The following RSPO2 variants were observed in gnomAD, a reference collection of about 807,000 sequenced individuals.
The protein encoded by RSPO2 is R-spondin-2.
A neutral mutation model predicts 30.9 loss-of-function variants in RSPO2; 14 were observed. The observed-to-expected ratio is 0.45, with a 90% confidence interval of 0.30 to 0.71. The LOEUF (loss-of-function observed/expected upper bound fraction) is 0.71, where lower values mean the gene tolerates loss of function less well. Ranked by LOEUF, RSPO2 falls within the 30% of genes least tolerant of loss-of-function variation. The pLI, the probability that RSPO2 is intolerant of heterozygous loss-of-function variation, is 0.08. For missense variants in RSPO2, 264 were observed against 301.9 expected (o/e 0.87, Z 0.93); for synonymous variants, 107 against 96.4 (o/e 1.11, Z -0.64).
At position 108,082,771 on chromosome 8, in the gene RSPO2, G is replaced by A; in HGVS notation, c.-133C>T. On this transcript the variant is annotated 5_prime_UTR_variant, in exon 2 of 6. Coordinates refer to ENST00000276659, the MANE Select transcript of RSPO2 (RefSeq NM_178565.5). ...CGCCACTCACCCCCGGGCCGCACCG[G>A]TCAGTTCAGCGCGATCAGCATCTCT... 1.5e-6 allele frequency: 1 copy of A among 672,852 alleles called. No homozygotes were observed. Among genetic ancestry groups the A allele is most frequent in the Non-Finnish European group, 2.6e-6 (1 of 389,260 alleles). The allele number at this position is 672,852 out of a possible 1,614,324, so 41.7% of individuals were successfully genotyped here.
chr8:108,060,552 G>A (rs926537031), intron 2 of RSPO2, among the ~76,000 whole-genome samples: 4 of 151,784 alleles, frequency 2.6e-5, no homozygotes, highest in South Asian at 2.1e-4. Context: ...CCAAATCTAC[G>A]TCCGATTGGT....
intron 2 of RSPO2, among the ~76,000 whole-genome samples, chr8:108,063,254 G>C (rs900059948): frequency 6.6e-6 from 1 of 151,810 alleles, no homozygotes; most frequent in Non-Finnish European, 1.5e-5. Context: ...CCCGTTTGAA[G>C]ATGACATGAT....
chr8:108,007,546 C>T (rs1009767858), intron 2 of RSPO2, among the ~76,000 whole-genome samples: 4 of 152,290 alleles, frequency 2.6e-5, no homozygotes, highest in Middle Eastern at 3.4e-3. Flanking sequence ...AGAGAGTACA[C>T]GTCTGCAGAA....
intron 2 of RSPO2, among the ~76,000 whole-genome samples, chr8:108,014,246 G>A (rs1042593133): frequency 9.2e-5 from 14 of 152,196 alleles, no homozygotes; most frequent in African/African-American, 3.4e-4. Flanking sequence ...CTGCTGGTGG[G>A]AGTGTAAATT....
chr8:108,027,794 G>A (rs1811272512), intron 2 of RSPO2, among the ~76,000 whole-genome samples: 1 of 152,052 alleles, frequency 6.6e-6, no homozygotes, highest in Non-Finnish European at 1.5e-5. Context: ...GTTCTCCACT[G>A]GTTTTATATT....
intron 5 of RSPO2, among the ~76,000 whole-genome samples, chr8:107,938,558 C>T (rs1439530673): frequency 6.6e-6 from 1 of 152,110 alleles, no homozygotes; most frequent in Admixed American, 6.6e-5. Flanking sequence ...TTGGGTGGCT[C>T]ACCTGGTGGT....
rs571741064 is a variant in RSPO2, at chr8:107,899,628, GAAAA to G, written c.*1443_*1446del. 2.1e-5 allele frequency: 3 copies of G among 145,866 alleles called. No homozygotes were observed. Among genetic ancestry groups the G allele is most frequent in the Admixed American group, 1.4e-4 (2 of 14,614 alleles). 9.0% of individuals were successfully genotyped at this position (145,866 alleles called of 1,614,324 possible). ...AGAGGTAGTTTTGCCAATGCAAGGT[GAAAA>G]AAAAAAGGCTTTACCTTGCTTTGTT... On this transcript the variant is annotated 3_prime_UTR_variant, in exon 6 of 6. Transcript: ENST00000276659.
At position 107,957,750 on chromosome 8, in the gene RSPO2, G is replaced by A. The variant is rs369324303; in HGVS notation, c.616+330C>T. The stretch of plus-strand genomic sequence containing the variant: ...CCGCTTCCCTCAGAGCAACATCTGC[G>A]AAGGCCTGATTTCGTAAGAACCCGC... On this transcript the variant is annotated intron_variant, in intron 5 of 5. Transcript: ENST00000276659. Among the ~76,000 whole-genome samples the A allele has an allele frequency of 4.4e-4, 67 of 152,194 alleles. No individual in the cohort carries two copies. In the South Asian group the frequency reaches 0.012, roughly 28 times the overall value.
chr8:108,034,872 G>A (rs1228897158), intron 2 of RSPO2, among the ~76,000 whole-genome samples: 2 of 152,160 alleles, frequency 1.3e-5, no homozygotes, highest in Non-Finnish European at 2.9e-5. Context: ...GTGACCAGTC[G>A]CACTCCTACA....
intron 3 of RSPO2, among the ~76,000 whole-genome samples, chr8:107,972,614 C>T (rs1378414691): frequency 1.3e-5 from 2 of 151,888 alleles, no homozygotes; most frequent in Non-Finnish European, 2.9e-5. Flanking sequence ...AGTCCTTAAC[C>T]ATAAACCAAG....
intron 5 of RSPO2, among the ~76,000 whole-genome samples, chr8:107,952,859 G>A (rs1813301817): frequency 6.6e-6 from 1 of 152,118 alleles, no homozygotes; most frequent in Non-Finnish European, 1.5e-5. Flanking sequence ...AGAGATCAAG[G>A]TTCTAAGTAG....
chr8:108,082,985 G>A (rs1406482248), intron 1 of RSPO2, 178 bp from the exon 2 acceptor site: 1 of 269,542 alleles, frequency 3.7e-6, no homozygotes, highest in Non-Finnish European at 6.9e-6. Flanking sequence ...GAGTTGGAGA[G>A]GAAGGTGATT....
At chr8:107,955,794 T>C (rs529411695) in intron 5 of RSPO2, among the ~76,000 whole-genome samples, 98 of 152,288 alleles carry the variant, frequency 6.4e-4, no homozygotes, top group African/African-American at 2.3e-3. Context: ...TGCTTTAGTG[T>C]GAAGGAGCTT....
chr8:108,058,105 T>A (rs980793992), intron 2 of RSPO2, among the ~76,000 whole-genome samples: 11 of 148,212 alleles, frequency 7.4e-5, no homozygotes, highest in African/African-American at 2.8e-4. Flanking sequence ...TGATATTGGC[T>A]GTGGGTGTGT....
chr8:108,068,897 G>A (rs1000769203), intron 2 of RSPO2, among the ~76,000 whole-genome samples: 13 of 152,150 alleles, frequency 8.5e-5, no homozygotes. Context: ...GGTGAGAAAA[G>A]ATATTTCTGC....
intron 3 of RSPO2, among the ~76,000 whole-genome samples, chr8:107,970,496 A>C (rs926700722): frequency 1.3e-5 from 2 of 152,196 alleles, no homozygotes; most frequent in Admixed American, 1.3e-4. Flanking sequence ...AAAACACCAA[A>C]TGGTAGCATT....
intron 3 of RSPO2, among the ~76,000 whole-genome samples, chr8:107,977,343 A>T (rs1382592009): frequency 6.6e-6 from 1 of 152,180 alleles, no homozygotes; most frequent in Non-Finnish European, 1.5e-5. Flanking sequence ...AAAAATGCAA[A>T]TTCTCGGGCT....
At chr8:107,971,514 A>G (rs1813997448) in intron 3 of RSPO2, among the ~76,000 whole-genome samples, 1 of 152,204 alleles carries the variant, frequency 6.6e-6, no homozygotes, top group South Asian at 2.1e-4. Flanking sequence ...TTTACGTCTC[A>G]CAACAGGCAG....
chr8:108,060,239 C>G (rs2130701413), intron 2 of RSPO2, among the ~76,000 whole-genome samples: 1 of 151,768 alleles, frequency 6.6e-6, no homozygotes, highest in East Asian at 1.9e-4. Context: ...CTTCTCCAAG[C>G]TAAAGGAGGA....
Sources: allele counts gnomAD v4.1 joint callset (sites outside exome capture counted in the v4.1 genomes callset), GRCh38; gene constraint gnomAD v4.1.1; transcripts MANE v1.5; gene names NCBI Gene and HGNC (gene_info 2026-07-23, HGNC 2026-07-21).